The following FABP12 variants were observed in gnomAD, a reference collection of about 807,000 sequenced individuals.
FABP12 encodes the protein fatty acid-binding protein 12.
Under a neutral mutation model 13.7 loss-of-function variants are expected in FABP12, and 19 were observed. That is an observed-to-expected ratio of 1.39 (90% CI 0.97 to 2.04). The LOEUF (loss-of-function observed/expected upper bound fraction) is 2.04. Ranked by LOEUF, FABP12 falls within the 30% of genes most tolerant of loss-of-function variation. The pLI is 0.00. For missense variants in FABP12, 182 were observed against 164.2 expected, an observed-to-expected ratio of 1.11 and a Z score of -0.59; for synonymous variants, 61 against 57.0, an observed-to-expected ratio of 1.07 and a Z score of -0.32.
At chr8:81,565,593 A>G (rs951453892) in intron 1 of FABP12, among the ~76,000 whole-genome samples, 1 of 151,948 alleles carries the variant, frequency 6.6e-6, no homozygotes, top group African/African-American at 2.4e-5. Context: ...CAATGAAAAA[A>G]TTAAGAAAAA....
chr8:81,568,129 CAA>C (rs751713921), intron 1 of FABP12, among the ~76,000 whole-genome samples: 6 of 99,476 alleles, frequency 6.0e-5, no homozygotes, highest in Admixed American at 1.1e-4. Context: ...GACTCCGTCT[CAA>C]AAAAAAAAAA....
upstream of FABP12, among the ~76,000 whole-genome samples, chr8:81,535,370 G>A (rs1208422012): frequency 1.3e-5 from 2 of 152,162 alleles, no homozygotes; most frequent in African/African-American, 4.8e-5. Context: ...GTGGGAGTGT[G>A]GGGGTGCAGT....
intron 1 of FABP12, among the ~76,000 whole-genome samples, chr8:81,547,068 C>T (rs150110592): frequency 6.6e-6 from 1 of 152,354 alleles, no homozygotes; most frequent in East Asian, 1.9e-4. Context: ...GAAGTTCCCA[C>T]ACTTACAGCT....
upstream of FABP12, among the ~76,000 whole-genome samples, chr8:81,534,727 G>A (rs1374588485): frequency 6.6e-6 from 1 of 152,118 alleles, no homozygotes; most frequent in Non-Finnish European, 1.5e-5. Flanking sequence ...AGGATCACCT[G>A]GGGTCAGGAG....
At chr8:81,527,184 A>C in intron 3 of FABP12, 63 bp from the exon 4 acceptor site, 1 of 935,660 alleles carries the variant, frequency 1.1e-6, no homozygotes, top group Non-Finnish European at 1.6e-6. Flanking sequence ...AAATTTTATC[A>C]GGCAGCAAAT....
Position 81,586,306 on chromosome 8 carries a change from G to A in FABP12, c.-185+3747C>T, listed in dbSNP as rs182753667. Among the ~76,000 whole-genome samples the A allele has an allele frequency of 2.6e-5, 4 of 152,162 alleles. No homozygotes were observed. In the East Asian group the frequency reaches 5.8e-4, roughly 22 times the overall value. ...ATCAAGAGTGCTGTGATGAACATAC[G>A]CATGCATGTATCTTTATGATAGAAC... is the stretch of plus-strand genomic sequence containing the variant. On this transcript the variant is annotated intron_variant, in intron 1 of 5. Transcript: ENST00000692030.
intron 1 of FABP12, among the ~76,000 whole-genome samples, chr8:81,548,935 CTT>C (rs1166953010): frequency 1.3e-5 from 2 of 152,128 alleles, no homozygotes; most frequent in Non-Finnish European, 2.9e-5. Context: ...TGTGAAAATA[CTT>C]TTTGCATGAG....
chr8:81,553,051 C>T (rs1455882605), intron 1 of FABP12, among the ~76,000 whole-genome samples: 1 of 152,112 alleles, frequency 6.6e-6, no homozygotes, highest in East Asian at 1.9e-4. Context: ...ATCAATGGAA[C>T]ATTTAATGTG....
intron 1 of FABP12, among the ~76,000 whole-genome samples, chr8:81,572,157 C>T (rs559355218): frequency 6.0e-4 from 91 of 151,496 alleles, no homozygotes; most frequent in African/African-American, 2.1e-3. Flanking sequence ...ATTCTTATGC[C>T]TTTGCATCCT....
chr8:81,569,945 C>T (rs982425964), intron 1 of FABP12, among the ~76,000 whole-genome samples: 1 of 152,244 alleles, frequency 6.6e-6, no homozygotes, highest in East Asian at 1.9e-4. Context: ...GTTCATGCTA[C>T]TGGCCTGAAT....
exon 1 of FABP12, among the ~76,000 whole-genome samples, chr8:81,590,129 C>T (rs1256742401): frequency 6.6e-6 from 1 of 152,186 alleles, no homozygotes; most frequent in East Asian, 1.9e-4. Context: ...TATGCAGAGG[C>T]AGCACTTAAC....
chr8:81,578,083 G>C (rs1467267805), intron 1 of FABP12, among the ~76,000 whole-genome samples: 2 of 152,194 alleles, frequency 1.3e-5, no homozygotes, highest in African/African-American at 4.8e-5. Context: ...TTAAACACCA[G>C]TGAACTTTTT....
chr8:81,553,600 TGTACTTACTCAA>T (rs1384653667), intron 1 of FABP12, among the ~76,000 whole-genome samples: 1 of 152,194 alleles, frequency 6.6e-6, no homozygotes, highest in Non-Finnish European at 1.5e-5. Context: ...ACAGGGAATT[TGTACTTACTCAA>T]GATTATTTGG....
intron 1 of FABP12, among the ~76,000 whole-genome samples, chr8:81,545,395 A>G (rs1244799434): frequency 1.3e-5 from 2 of 152,258 alleles, no homozygotes; most frequent in Non-Finnish European, 2.9e-5. Flanking sequence ...ATGATTGATT[A>G]AAATGACAAC....
Position 81,549,494 on chromosome 8 carries a change from G to A in FABP12, c.-184-9751C>T, listed in dbSNP as rs564693003. 2.6e-5 allele frequency among the ~76,000 whole-genome samples: 4 copies of A among 152,290 alleles called. No individual in the cohort carries two copies. In the South Asian group the frequency reaches 6.2e-4, roughly 24 times the overall value. On this transcript the variant is annotated intron_variant, in intron 1 of 5. Transcript: ENST00000692030. The stretch of plus-strand genomic sequence containing the variant: ...CAGTGTATAGCGTTGGTCAATCCCA[G>A]TTGTTCTTTTCTTGTTAAAACTGGC...
intron 1 of FABP12, among the ~76,000 whole-genome samples, chr8:81,531,675 T>C (rs1021739455): frequency 6.6e-6 from 1 of 152,166 alleles, no homozygotes; most frequent in Non-Finnish European, 1.5e-5. Context: ...CAGCTGTGTT[T>C]ATGCCGTGGA....
At chr8:81,562,888 A>G (rs949319688) in intron 1 of FABP12, among the ~76,000 whole-genome samples, 7 of 152,158 alleles carry the variant, frequency 4.6e-5, no homozygotes, top group Non-Finnish European at 8.8e-5. Context: ...TGGCTTCACA[A>G]CCTCTCATCA....
intron 1 of FABP12, among the ~76,000 whole-genome samples, chr8:81,543,163 C>G (rs899581385): frequency 6.6e-6 from 1 of 152,218 alleles, no homozygotes; most frequent in Non-Finnish European, 1.5e-5. Context: ...AGGCAGAGCA[C>G]TTCCATCTCT....
At chr8:81,553,875 A>G (rs910391496) in intron 1 of FABP12, among the ~76,000 whole-genome samples, 2 of 152,212 alleles carry the variant, frequency 1.3e-5, no homozygotes, top group African/African-American at 4.8e-5. Flanking sequence ...GTCACTGTTC[A>G]AAATGATCAG....
Sources: gnomAD v4.1 joint callset for allele counts (sites outside exome capture counted in the v4.1 genomes callset) on GRCh38, gnomAD v4.1.1 for gene constraint, MANE v1.5 for transcripts, NCBI Gene and HGNC (gene_info 2026-07-23, HGNC 2026-07-21) for gene names.